Variants in PCDHGA4 observed in about 807,000 individuals in gnomAD.
The protein encoded by PCDHGA4 is protocadherin gamma subfamily A, 4, also known as protocadherin gamma-A4.
A neutral mutation model predicts 54.6 loss-of-function variants in PCDHGA4; 38 were observed. That is an observed-to-expected ratio of 0.70 (90% CI 0.54 to 0.91). The LOEUF (loss-of-function observed/expected upper bound fraction) is 0.91, where lower values mean the gene tolerates loss of function less well. Ranked by LOEUF, PCDHGA4 falls within the 40% of genes least tolerant of loss-of-function variation. The pLI is 0.00. For missense variants in PCDHGA4, 1,298 were observed against 1,220.9 expected (o/e 1.06, Z -0.94); for synonymous variants, 511 against 512.9 (o/e 1.00, Z 0.05).
chr5:141,428,618 T>G (rs554092834), intron 1 of PCDHGA4: 12 of 206,130 alleles, frequency 5.8e-5, no homozygotes, highest in Admixed American at 2.6e-4. Context: ...AATAACAAGA[T>G]AAGCTCTAAC....
chr5:141,496,277 T>C (rs1484877198), intron 2 of PCDHGA4, among the ~76,000 whole-genome samples: 1 of 152,134 alleles, frequency 6.6e-6, no homozygotes, highest in Non-Finnish European at 1.5e-5. Context: ...AGACCTTCAG[T>C]TGGTCTGAGC....
chr5:141,400,190 T>G (rs914854634), intron 1 of PCDHGA4: 1 of 1,613,898 alleles, frequency 6.2e-7, no homozygotes, highest in Non-Finnish European at 8.5e-7. Context: ...CAGTTTTACC[T>G]AGTGGTGGCC....
intron 1 of PCDHGA4, chr5:141,422,099 A>C (rs374091819): frequency 6.2e-7 from 1 of 1,609,706 alleles, no homozygotes; most frequent in Non-Finnish European, 8.5e-7. Context: ...AAGGCTTCTG[A>C]AATATTCCAA....
At chr5:141,392,719 C>CCG in intron 1 of PCDHGA4, 1 of 1,383,098 alleles carries the variant, frequency 7.2e-7, no homozygotes, top group African/African-American at 1.5e-5. Context: ...TCCAGGTTTC[C>CCG]GGAGGATTGT....
At chr5:141,365,192 A>G (rs1163553261) in intron 1 of PCDHGA4, 2 of 1,613,812 alleles carry the variant, frequency 1.2e-6, no homozygotes, top group African/African-American at 2.7e-5. Context: ...AGAAGAAAAA[A>G]TTTCGGAGAC....
Position 141,491,885 on chromosome 5 carries a change from G to T in PCDHGA4, c.2515-2922G>T. On this transcript the variant is annotated intron_variant, in intron 1 of 3. Transcript: ENST00000571252. The surrounding 1 kb of genome is among the most constrained non-coding windows in gnomAD (Gnocchi z 6.9). ...ACCAGAGTGGCCGATTAAGGGATGG[G>T]GCTCCGAGCACCGGGGGTGGTGGCG... The T allele has an allele frequency of 6.9e-7, 1 of 1,445,748 alleles. No homozygotes were observed. Among genetic ancestry groups the T allele is most frequent in the Non-Finnish European group, 9.1e-7 (1 of 1,093,758 alleles). The allele number at this position is 1,445,748 out of a possible 1,614,324, so 89.6% of individuals were successfully genotyped here. A position where few individuals can be genotyped will look rare whatever the true frequency, so the allele number is the denominator to read the frequency against.
intron 1 of PCDHGA4, among the ~76,000 whole-genome samples, chr5:141,443,696 T>C (rs1293017505): frequency 6.6e-6 from 1 of 152,308 alleles, no homozygotes; most frequent in Admixed American, 6.5e-5. Context: ...TCAAAAATTA[T>C]AGAATAACAT....
chr5:141,361,171 G>A (rs750066776), intron 1 of PCDHGA4: 49 of 1,613,824 alleles, frequency 3.0e-5, no homozygotes, highest in South Asian at 1.1e-5. Context: ...TTGTGCACCT[G>A]AAGTTATTGT....
rs75309884 is a variant in PCDHGA4, at chr5:141,382,670, T to C, written c.2514+25049T>C. On this transcript the variant is annotated intron_variant, in intron 1 of 3. Coordinates refer to ENST00000571252, the MANE Select transcript of PCDHGA4 (RefSeq NM_018917.4). ...TTAGTAAGGACTCACAGCGCCGCTG[T>C]TCACCAACCAGGGAAAAATGGTGCG... 662 of 433,180 alleles carry C rather than the reference T, an allele frequency of 1.5e-3. 2 individuals are homozygous for C. Among genetic ancestry groups the C allele is most frequent in the Non-Finnish European group, 2.1e-3 (522 of 246,008 alleles). 26.8% of individuals were successfully genotyped at this position (433,180 alleles called of 1,614,324 possible).
intron 1 of PCDHGA4, chr5:141,394,715 C>T (rs776573423): frequency 6.2e-7 from 1 of 1,613,304 alleles, no homozygotes; most frequent in African/African-American, 1.3e-5. Flanking sequence ...CCCTGCTGGA[C>T]AGAGATGCGC....
chr5:141,380,753 C>T (rs976627974), intron 1 of PCDHGA4, among the ~76,000 whole-genome samples: 2 of 152,104 alleles, frequency 1.3e-5, no homozygotes, highest in Non-Finnish European at 2.9e-5. Context: ...GGTACCAAGA[C>T]ACTATAAATT....
chr5:141,432,569 C>T lies in PCDHGA4; in HGVS notation c.2515-62238C>T. The T allele has an allele frequency of 6.2e-7, 1 of 1,613,920 alleles. No homozygotes were observed. On this transcript the variant is annotated intron_variant, in intron 1 of 3. Coordinates refer to ENST00000571252, the MANE Select transcript of PCDHGA4 (RefSeq NM_018917.4). This position sits in a 1 kb window ranked among gnomAD's most constrained non-coding sequence, Gnocchi z 6.0. ...CAGAGACTCCGGCCAGAACGCCTGG[C>T]TGTCCTACCGTCTGCTCAAGGCCAG...
intron 1 of PCDHGA4, among the ~76,000 whole-genome samples, chr5:141,454,796 A>ATTTTTTTTTTT (rs61612330): frequency 0.014 from 1,093 of 77,476 alleles, 165 homozygotes; most frequent in African/African-American, 0.018. Flanking sequence ...CATGGTTCTA[A>ATTTTTTTTTTT]TTTTTTTTTT....
intron 1 of PCDHGA4, chr5:141,360,069 G>A (rs1761407187): frequency 6.8e-7 from 1 of 1,469,142 alleles, no homozygotes; most frequent in Non-Finnish European, 9.0e-7. Flanking sequence ...AGTGACCTTA[G>A]CCCGGATTCT....
Position 141,383,130 on chromosome 5 carries a change from G to C in PCDHGA4, c.2514+25509G>C, listed in dbSNP as rs1328104143. On this transcript the variant is annotated intron_variant, in intron 1 of 3. Coordinates refer to ENST00000571252, the MANE Select transcript of PCDHGA4 (RefSeq NM_018917.4). ...GAGGTAGGACGCAGCTTTTCGCCCT[G>C]AACCAGCGCAGCGGCAGCTTGGTCA... 3.1e-6 allele frequency: 5 copies of C among 1,614,008 alleles called. No homozygotes were observed. In the African/African-American group the frequency reaches 5.3e-5, roughly 17 times the overall value.
chr5:141,375,743 G>C, intron 1 of PCDHGA4: 2 of 1,614,238 alleles, frequency 1.2e-6, no homozygotes, highest in East Asian at 2.2e-5. Flanking sequence ...GTTTGTGCTG[G>C]ACCAGAATGA....
intron 1 of PCDHGA4, chr5:141,365,501 C>T (rs1377875429): frequency 6.2e-7 from 1 of 1,613,806 alleles, no homozygotes; most frequent in African/African-American, 1.3e-5. Flanking sequence ...TAGGAATTTG[C>T]CTTTTAAATT....
chr5:141,509,864 A>G (rs2099878667), intron 3 of PCDHGA4, among the ~76,000 whole-genome samples: 1 of 152,262 alleles, frequency 6.6e-6, no homozygotes, highest in East Asian at 1.9e-4. Context: ...GATAAGGTCC[A>G]AGCTGCTGGT....
intron 1 of PCDHGA4, chr5:141,392,568 T>G: frequency 2.3e-6 from 1 of 442,486 alleles, no homozygotes; most frequent in South Asian, 4.4e-5. Flanking sequence ...CAGTAACTAT[T>G]TAGGACTGTA....
Sources: allele counts gnomAD v4.1 joint callset (sites outside exome capture counted in the v4.1 genomes callset), GRCh38; gene constraint gnomAD v4.1.1; non-coding constraint Gnocchi (gnomAD v3.1); transcripts MANE v1.5; gene names NCBI Gene and HGNC (gene_info 2026-07-23, HGNC 2026-07-21).